Variants in AKAP9 observed in about 807,000 individuals in gnomAD.
The protein encoded by AKAP9 is A-kinase anchoring protein 9.
A neutral mutation model predicts 488.5 loss-of-function variants in AKAP9; 311 were observed. The observed-to-expected ratio is 0.64, with a 90% confidence interval of 0.58 to 0.70. The LOEUF (loss-of-function observed/expected upper bound fraction) is 0.70. Among genes scored for constraint, AKAP9 ranks in the 30% least tolerant of loss-of-function variants. The pLI, the probability that AKAP9 is intolerant of heterozygous loss-of-function variation, is 0.00. For missense variants in AKAP9, 4,215 were observed against 4,374.5 expected (o/e 0.96, Z 1.03); for synonymous variants, 1,462 against 1,483.5 (o/e 0.99, Z 0.33).
chr7:92,043,536 A>G (rs1806473281), intron 20 of AKAP9, among the ~76,000 whole-genome samples: 1 of 152,090 alleles, frequency 6.6e-6, no homozygotes. Context: ...TTTAACCACC[A>G]TATTAATTTT....
rs1346823176 is a variant in AKAP9, at chr7:92,002,145, A to C, written c.2228A>C (p.Gln743Pro). The change falls in exon 8 of 50, where the codon CAA (glutamine) becomes CCA (proline). Residue 743 changes from glutamine to proline, a missense_variant. By Grantham distance (76) the Gln-to-Pro change is moderately conservative. Coordinates refer to ENST00000356239, the MANE Select transcript of AKAP9 (RefSeq NM_005751.5). ...GAAAAAGAAAAGGGTACACTTGAACAAGAAGTTCAAGAATTACAACTTAAA... is the reference window on the plus strand; with the variant it reads ...GAAAAAGAAAAGGGTACACTTGAACCAGAAGTTCAAGAATTACAACTTAAA... The part of the protein sequence containing the change: ...QEEKEKGTLE[Q>P]EVQELQLKTE... The C allele has an allele frequency of 6.3e-7, 1 of 1,590,764 alleles. No homozygotes were observed. The highest frequency in any genetic ancestry group is 2.2e-5 in the East Asian group (1 of 44,672).
rs1467694234 is a variant in AKAP9, at chr7:92,014,325, A to G, written c.3609A>G (p.Leu1203=). 1 of 1,607,692 alleles carries G rather than the reference A, an allele frequency of 6.2e-7. No individual in the cohort carries two copies. The highest frequency in any genetic ancestry group is 8.5e-7 in the Non-Finnish European group (1 of 1,174,960). ...KAVSEECSYF[L]QTLCSVLGEY... is the part of the protein sequence containing the mutation. Reference sequence around the variant, plus strand: ...TGTCTGAAGAATGTTCTTATTTTTTACAGGTAAAATGTTTAAAAGTACTTT... The same window carrying G: ...TGTCTGAAGAATGTTCTTATTTTTTGCAGGTAAAATGTTTAAAAGTACTTT... The change falls in exon 10 of 50, where the codon TTA becomes TTG. Residue 1203 remains leucine, a synonymous_variant. Transcript: ENST00000356239.
intron 12 of AKAP9, among the ~76,000 whole-genome samples, chr7:92,021,837 G>C (rs981453679): frequency 2.0e-5 from 3 of 152,038 alleles, no homozygotes; most frequent in Non-Finnish European, 4.4e-5. Flanking sequence ...GTTGTACATA[G>C]GATATATCTA....
intron 5 of AKAP9, among the ~76,000 whole-genome samples, chr7:91,993,595 T>C (rs1798043062): frequency 6.6e-6 from 1 of 152,182 alleles, no homozygotes; most frequent in South Asian, 2.1e-4. Context: ...TCCCTGTCTC[T>C]TAAAAAATCA....
At chr7:92,038,819 A>T (rs886333286) in intron 17 of AKAP9, 47 bp downstream of exon 17, 3 of 1,315,366 alleles carry the variant, frequency 2.3e-6, no homozygotes, top group Non-Finnish European at 3.2e-6. Flanking sequence ...AAAATTGTGA[A>T]TTCTTTCACT....
intron 21 of AKAP9, among the ~76,000 whole-genome samples, chr7:92,050,091 GT>G (rs1807694783): frequency 1.4e-5 from 2 of 144,100 alleles, no homozygotes; most frequent in African/African-American, 5.1e-5. Context: ...TTGAGACGGA[GT>G]TTTGCTCTAT....
intron 1 of AKAP9, among the ~76,000 whole-genome samples, chr7:91,966,272 T>A (rs1019744929): frequency 2.6e-5 from 4 of 152,172 alleles, no homozygotes; most frequent in African/African-American, 9.7e-5. Context: ...AAAAAAACTT[T>A]CCCCAGACCA....
At chr7:92,086,536 A>C in intron 37 of AKAP9, 120 bp downstream of exon 37, 1 of 781,702 alleles carries the variant, frequency 1.3e-6, no homozygotes, top group Non-Finnish European at 2.1e-6. Flanking sequence ...TGAATATTTT[A>C]AAAAAATTAT....
In AKAP9 at chr7:92,100,573, G is replaced by A. The variant is rs997951610; in HGVS notation, c.10897-283G>A. ...CTCAAAATTTGAACCCAAATGGTCTGTTAGGTCTCTTGACTTTTTCAGTTC... is the reference window on the plus strand; with the variant it reads ...CTCAAAATTTGAACCCAAATGGTCTATTAGGTCTCTTGACTTTTTCAGTTC... On this transcript the variant is annotated intron_variant, in intron 44 of 49. Transcript: ENST00000356239. Among the ~76,000 whole-genome samples the A allele has an allele frequency of 1.8e-4, 28 of 152,178 alleles. 1 individual carries two copies. Among genetic ancestry groups the A allele is most frequent in the Non-Finnish European group, 1.5e-5 (1 of 68,030 alleles).
Position 92,010,298 on chromosome 7 carries a change from G to T in AKAP9, c.3319-2131G>T, listed in dbSNP as rs113511526. ...ATAAGGGAGTTTATCTAAAGAGCTT[G>T]TTTACTCATGTGGTCCTAAGACCAA... On this transcript the variant is annotated intron_variant, in intron 8 of 49. Coordinates refer to ENST00000356239, the MANE Select transcript of AKAP9 (RefSeq NM_005751.5). 3.3e-5 allele frequency among the ~76,000 whole-genome samples: 5 copies of T among 152,350 alleles called. 1 individual carries two copies. The highest frequency in any genetic ancestry group is 1.2e-4 in the African/African-American group (5 of 41,592).
chr7:92,110,279 T>C lies in AKAP9; in HGVS notation c.*120T>C, dbSNP rs547889853. On this transcript the variant is annotated 3_prime_UTR_variant, in exon 50 of 50. Coordinates refer to ENST00000356239, the MANE Select transcript of AKAP9 (RefSeq NM_005751.5). ...GGACCAATATGAACACAGCTTATGA[T>C]TGTATACAAATCCCTTGCCAGCACA... 21 of 819,668 alleles carry C rather than the reference T, an allele frequency of 2.6e-5. No homozygotes were observed. The highest frequency in any genetic ancestry group is 2.3e-4 in the South Asian group (15 of 65,980). 50.8% of individuals were successfully genotyped at this position (819,668 alleles called of 1,614,324 possible).
intron 20 of AKAP9, among the ~76,000 whole-genome samples, chr7:92,043,693 A>G (rs185512824): frequency 6.6e-6 from 1 of 152,222 alleles, no homozygotes; most frequent in Admixed American, 6.5e-5. Flanking sequence ...TCTTGATTAT[A>G]TAAGCAGAGA....
rs553015208 is a variant in AKAP9, at chr7:92,070,013, T to G, written c.6331-17T>G. On this transcript the variant is annotated splice_polypyrimidine_tract_variant and intron_variant, in intron 26 of 49. Coordinates refer to ENST00000356239, the MANE Select transcript of AKAP9 (RefSeq NM_005751.5). ...GAAATTTTTTTTAAATTAAATTTTT[T>G]GCCTCTTATATTTCAGGTTGAACAG... 6.2e-7 allele frequency: 1 copy of G among 1,606,276 alleles called. No individual in the cohort carries two copies. The highest frequency in any genetic ancestry group is 2.2e-5 in the East Asian group (1 of 44,826).
intron 1 of AKAP9, among the ~76,000 whole-genome samples, chr7:91,961,255 G>A (rs1473053913): frequency 6.6e-6 from 1 of 151,892 alleles, no homozygotes; most frequent in Admixed American, 6.6e-5. Context: ...CGCCTCCCGG[G>A]TTCAAGTGAT....
intron 14 of AKAP9, among the ~76,000 whole-genome samples, chr7:92,025,028 T>C (rs1220969050): frequency 2.0e-5 from 3 of 152,186 alleles, no homozygotes; most frequent in African/African-American, 7.2e-5. Context: ...ATCACTGAAT[T>C]ATAATTTGGA....
At position 92,079,255 on chromosome 7, in the gene AKAP9, T is replaced by C. The variant is rs771287562; in HGVS notation, c.7122T>C (p.Ala2374=). The C allele has an allele frequency of 8.1e-6, 13 of 1,613,954 alleles. No individual in the cohort carries two copies. The highest frequency in any genetic ancestry group is 1.1e-5 in the Non-Finnish European group (13 of 1,179,996). Residue 2374 remains alanine, a synonymous_variant, in exon 31 of 50, where the codon GCT becomes GCC. Coordinates refer to ENST00000356239, the MANE Select transcript of AKAP9 (RefSeq NM_005751.5). ...TTGGACAGAAGACATCAATGAATGC[T>C]CATTCCCTCTCAGAAGAAGCAGACA... The part of the protein sequence containing the change: ...ANIGQKTSMN[A]HSLSEEADSL...
Position 92,079,426 on chromosome 7 carries a change from C to T in AKAP9, c.7293C>T (p.Phe2431=). The T allele has an allele frequency of 6.2e-7, 1 of 1,614,038 alleles. No homozygotes were observed. Among genetic ancestry groups the T allele is most frequent in the Non-Finnish European group, 8.5e-7 (1 of 1,179,982 alleles). Residue 2431 remains phenylalanine, a synonymous_variant, in exon 31 of 50, where the codon TTC becomes TTT. Transcript: ENST00000356239. ...TGAATCAGCTAACACAGGAATTATT[C>T]AGCTTAAAGAGAGAACGTGAAAGTG... is the stretch of plus-strand genomic sequence containing the variant. ...FKMNQLTQEL[F]SLKRERESVE...
chr7:92,065,143 G>A (rs1204971906), intron 24 of AKAP9, 88 bp from the exon 25 acceptor site: 15 of 790,446 alleles, frequency 1.9e-5, no homozygotes, highest in Non-Finnish European at 2.6e-5. Flanking sequence ...TTTCATGAAC[G>A]TAAAATTTGG....
chr7:92,058,439 G>A (rs563987180), intron 22 of AKAP9: 30 of 462,452 alleles, frequency 6.5e-5, no homozygotes, highest in Admixed American at 2.1e-4. Context: ...TATTCATTTA[G>A]TTAAACACTA....
Sources: allele counts gnomAD v4.1 joint callset (sites outside exome capture counted in the v4.1 genomes callset), GRCh38; gene constraint gnomAD v4.1.1; transcripts MANE v1.5; gene names NCBI Gene and HGNC (gene_info 2026-07-23, HGNC 2026-07-21).